Variants in CYTH3 observed in about 807,000 individuals in gnomAD.
The protein encoded by CYTH3 is cytohesin 3, also known as cytohesin-3.
CYTH3 carries 23 observed loss-of-function variants against 55.1 expected under a neutral mutation model. That is an observed-to-expected ratio of 0.42 (90% CI 0.30 to 0.59). CYTH3 has a LOEUF of 0.59. Among genes scored for constraint, CYTH3 ranks in the 20% least tolerant of loss-of-function variants. The pLI, the probability that CYTH3 is intolerant of heterozygous loss-of-function variation, is 0.20. For synonymous variants in CYTH3, 249 were observed against 194.9 expected (o/e 1.28, Z -2.31); for missense variants, 413 against 524.8 (o/e 0.79, Z 2.08).
chr7:6,180,111 G>C (rs758628011), intron 4 of CYTH3, among the ~76,000 whole-genome samples: 1 of 152,206 alleles, frequency 6.6e-6, no homozygotes, highest in African/African-American at 2.4e-5. Flanking sequence ...CTGCAGGTGG[G>C]AGGAGAGACA....
At chr7:6,194,932 G>A (rs552143107) in intron 1 of CYTH3, among the ~76,000 whole-genome samples, 8 of 152,084 alleles carry the variant, frequency 5.3e-5, no homozygotes, top group African/African-American at 9.6e-5. Context: ...CCGAGATCGC[G>A]TCATTGCACT....
intron 1 of CYTH3, among the ~76,000 whole-genome samples, chr7:6,230,927 A>C (rs1335181131): frequency 6.6e-6 from 1 of 152,244 alleles, no homozygotes; most frequent in African/African-American, 2.4e-5. Context: ...GAAAAAAGTC[A>C]ATAAGGCCAC....
chr7:6,236,181 G>A (rs1779518320), intron 1 of CYTH3, among the ~76,000 whole-genome samples: 2 of 151,890 alleles, frequency 1.3e-5, no homozygotes, highest in South Asian at 4.2e-4. Context: ...TAATATATAG[G>A]ATATATTAAC....
chr7:6,264,549 T>C lies in CYTH3; in HGVS notation c.34+7925A>G, dbSNP rs1042300435. Among the ~76,000 whole-genome samples the C allele has an allele frequency of 8.5e-5, 13 of 152,134 alleles. No homozygotes were observed. In the East Asian group the frequency reaches 1.7e-3, roughly 20 times the overall value. ...ATCGCTTGCACCCAGGAGATGGAGA[T>C]TGCAGTGAGCTGCGATCACACCACT... On this transcript the variant is annotated intron_variant, in intron 1 of 12. Transcript: ENST00000350796.
intron 1 of CYTH3, among the ~76,000 whole-genome samples, chr7:6,216,557 C>T (rs1023651651): frequency 2.9e-4 from 44 of 151,458 alleles, no homozygotes; most frequent in Middle Eastern, 3.4e-3. Context: ...TTGTCAACAC[C>T]GCAAGACCCC....
intron 5 of CYTH3, among the ~76,000 whole-genome samples, chr7:6,176,424 G>A (rs1309261880): frequency 6.6e-6 from 1 of 151,536 alleles, no homozygotes; most frequent in Non-Finnish European, 1.5e-5. Context: ...ACCACACCCA[G>A]CCAATTTTTT....
chr7:6,194,515 CTG>C (rs548976539), intron 1 of CYTH3, among the ~76,000 whole-genome samples: 1 of 152,214 alleles, frequency 6.6e-6, no homozygotes, highest in Non-Finnish European at 1.5e-5. Context: ...TCTCACCAGA[CTG>C]TGACCTGTCA....
chr7:6,243,919 T>C (rs915043944), intron 1 of CYTH3, among the ~76,000 whole-genome samples: 2 of 152,232 alleles, frequency 1.3e-5, no homozygotes, highest in African/African-American at 2.4e-5. Context: ...GTCATTGTTG[T>C]CTCATCAAAA....
chr7:6,220,359 T>G (rs1784524120), intron 1 of CYTH3, among the ~76,000 whole-genome samples: 1 of 151,914 alleles, frequency 6.6e-6, no homozygotes. Context: ...GACCATAAGT[T>G]TAAATGTAAA....
chr7:6,202,751 G>A (rs1326036136), intron 1 of CYTH3, among the ~76,000 whole-genome samples: 1 of 152,132 alleles, frequency 6.6e-6, no homozygotes, highest in Non-Finnish European at 1.5e-5. Flanking sequence ...GAGCCACCGT[G>A]CCCAGCCAGG....
intron 1 of CYTH3, among the ~76,000 whole-genome samples, chr7:6,270,319 A>G (rs995051523): frequency 6.6e-6 from 1 of 152,254 alleles, no homozygotes; most frequent in African/African-American, 2.4e-5. Context: ...AAAGCTAGTC[A>G]TAAACTAAAT....
chr7:6,172,315 C>G (rs1207165561), intron 6 of CYTH3, among the ~76,000 whole-genome samples: 1 of 152,078 alleles, frequency 6.6e-6, no homozygotes, highest in East Asian at 1.9e-4. Flanking sequence ...TGGCCCCACT[C>G]TCTACCAGGC....
intron 1 of CYTH3, among the ~76,000 whole-genome samples, chr7:6,240,925 C>A (rs1779657356): frequency 6.6e-6 from 1 of 151,756 alleles, no homozygotes; most frequent in Admixed American, 6.6e-5. Context: ...ACTAGCCTGA[C>A]CAACATGGTG....
chr7:6,204,258 A>G (rs1349752988), intron 1 of CYTH3, among the ~76,000 whole-genome samples: 2 of 152,234 alleles, frequency 1.3e-5, no homozygotes, highest in Non-Finnish European at 1.5e-5. Flanking sequence ...ATTCAAGCAC[A>G]TGTGAAAAAA....
intron 1 of CYTH3, among the ~76,000 whole-genome samples, chr7:6,220,605 G>A (rs1784529799): frequency 6.7e-6 from 1 of 149,896 alleles, no homozygotes; most frequent in Admixed American, 6.6e-5. Context: ...ACCAAAGGCT[G>A]GCAAAGATGT....
chr7:6,264,651 A>G (rs1053485622), intron 1 of CYTH3, among the ~76,000 whole-genome samples: 2 of 152,100 alleles, frequency 1.3e-5, no homozygotes, highest in Non-Finnish European at 2.9e-5. Context: ...AGGGCCCCAT[A>G]TCGAATTCAT....
chr7:6,229,827 A>G (rs1200864275), intron 1 of CYTH3, among the ~76,000 whole-genome samples: 5 of 151,090 alleles, frequency 3.3e-5, no homozygotes, highest in Non-Finnish European at 5.9e-5. Flanking sequence ...AAAAGAAAAA[A>G]AAAAAAAAAT....
chr7:6,170,163 A>G lies in CYTH3; in HGVS notation c.823+372T>C, dbSNP rs973642999. 1.4e-5 allele frequency: 3 copies of G among 218,466 alleles called. No homozygotes were observed. The highest frequency in any genetic ancestry group is 2.7e-5 in the Non-Finnish European group (3 of 109,512). 13.5% of individuals were successfully genotyped at this position (218,466 alleles called of 1,614,324 possible). On this transcript the variant is annotated intron_variant, in intron 9 of 12. Coordinates refer to ENST00000350796, the MANE Select transcript of CYTH3 (RefSeq NM_004227.4). The surrounding 1 kb of genome is among the most constrained non-coding windows in gnomAD (Gnocchi z 7.8). ...CAGAAGGAAAACAACAAGAAGGCACATTTAAACCACGCGTCAAAAATCACA... is the reference window on the plus strand; with the variant it reads ...CAGAAGGAAAACAACAAGAAGGCACGTTTAAACCACGCGTCAAAAATCACA...
At chr7:6,219,711 T>C (rs887849571) in intron 1 of CYTH3, among the ~76,000 whole-genome samples, 12 of 152,194 alleles carry the variant, frequency 7.9e-5, no homozygotes, top group Admixed American at 7.9e-4. Flanking sequence ...CACAAGGTTT[T>C]TGAGGATGTT....
Sources: allele counts gnomAD v4.1 joint callset (sites outside exome capture counted in the v4.1 genomes callset), GRCh38; gene constraint gnomAD v4.1.1; non-coding constraint Gnocchi (gnomAD v3.1); transcripts MANE v1.5; gene names NCBI Gene and HGNC (gene_info 2026-07-23, HGNC 2026-07-21).